Variants in ARHGEF10L observed in about 807,000 individuals in gnomAD.
The protein encoded by ARHGEF10L is Rho guanine nucleotide exchange factor 10 like.
ARHGEF10L carries 69 observed loss-of-function variants against 141.2 expected under a neutral mutation model. The observed-to-expected ratio is 0.49, with a 90% CI of 0.40 to 0.60. The LOEUF (loss-of-function observed/expected upper bound fraction) is 0.60. ARHGEF10L is among the 20% of genes least tolerant of loss of function. ARHGEF10L has a pLI of 0.00. For missense variants in ARHGEF10L, 1,482 were observed against 1,734.3 expected (o/e 0.85, Z 2.58); for synonymous variants, 711 against 718.5 (o/e 0.99, Z 0.17).
chr1:17,663,227 G>A (rs1449956858), intron 25 of ARHGEF10L, among the ~76,000 whole-genome samples: 2 of 152,208 alleles, frequency 1.3e-5, no homozygotes, highest in Non-Finnish European at 2.9e-5. Context: ...TGGTTTTCAG[G>A]GATGGCCGAC....
At chr1:17,538,387 A>G (rs531265881), upstream of ARHGEF10L, among the ~76,000 whole-genome samples, 1 of 152,342 alleles carries the variant, frequency 6.6e-6, no homozygotes, top group South Asian at 2.1e-4. Context: ...GAACAGAGCA[A>G]AAATGCTCAA....
At chr1:17,694,929 C>T (rs755878852) in intron 27 of ARHGEF10L, 8 of 694,976 alleles carry the variant, frequency 1.2e-5, no homozygotes, top group South Asian at 1.5e-5. Flanking sequence ...CCCCACTTTA[C>T]ACAGGCGGAA....
chr1:17,619,812 C>T lies in ARHGEF10L; in HGVS notation c.942+367C>T, dbSNP rs1183529978. 6.6e-6 allele frequency among the ~76,000 whole-genome samples: 1 copy of T among 152,098 alleles called. No homozygotes were observed. The highest frequency in any genetic ancestry group is 2.4e-5 in the African/African-American group (1 of 41,442). Reference sequence around the variant, plus strand: ...GTGAGGCTGCAGGTGTGTAGGTGCCCAGTCCCTGCCATCTGTCCACCTGTC... The same window carrying T: ...GTGAGGCTGCAGGTGTGTAGGTGCCTAGTCCCTGCCATCTGTCCACCTGTC... On this transcript the variant is annotated intron_variant, in intron 10 of 28. Coordinates refer to ENST00000361221, the MANE Select transcript of ARHGEF10L (RefSeq NM_018125.4). This position sits in a 1 kb window ranked among gnomAD's most constrained non-coding sequence, Gnocchi z 5.0.
At position 17,624,531 on chromosome 1, in the gene ARHGEF10L, G is replaced by A. The variant is rs752460330; in HGVS notation, c.1317+28G>A. The A allele has an allele frequency of 3.8e-6, 6 of 1,573,836 alleles. No individual in the cohort carries two copies. The South Asian group carries it at 4.4e-5, about 12-fold the overall frequency. ...GGGCCTCCATGGTGGTACCGTGCCTGGTCAGGGTGGGCAGGGAGATTGCTC... is the reference window on the plus strand; with the variant it reads ...GGGCCTCCATGGTGGTACCGTGCCTAGTCAGGGTGGGCAGGGAGATTGCTC... On this transcript the variant is annotated intron_variant, in intron 13 of 28. Coordinates refer to ENST00000361221, the MANE Select transcript of ARHGEF10L (RefSeq NM_018125.4).
chr1:17,657,479 C>T (rs2062341910), intron 25 of ARHGEF10L, among the ~76,000 whole-genome samples: 1 of 152,144 alleles, frequency 6.6e-6, no homozygotes, highest in Admixed American at 6.5e-5. Context: ...AGCCCCCAGT[C>T]CCCTGGAAGG....
At chr1:17,572,120 G>A (rs542824762) in intron 1 of ARHGEF10L, among the ~76,000 whole-genome samples, 8 of 152,224 alleles carry the variant, frequency 5.3e-5, no homozygotes, top group Non-Finnish European at 1.2e-4. Flanking sequence ...AGATCCAGCT[G>A]TGCGCAACCA....
intron 4 of ARHGEF10L, among the ~76,000 whole-genome samples, chr1:17,599,292 TG>T (rs1557784307): frequency 6.7e-6 from 1 of 148,836 alleles, no homozygotes. Context: ...GCTGAGATCG[TG>T]CTGCTGCACT....
chr1:17,541,806 A>G (rs61764868), intron 1 of ARHGEF10L, among the ~76,000 whole-genome samples: 12,213 of 151,972 alleles, frequency 0.08, 561 homozygotes, highest in African/African-American at 0.11. Context: ...CATCTCTACT[A>G]AAAATATAAA....
At chr1:17,651,200 C>G (rs2061909868) in intron 22 of ARHGEF10L, among the ~76,000 whole-genome samples, 1 of 152,108 alleles carries the variant, frequency 6.6e-6, no homozygotes, top group African/African-American at 2.4e-5. Flanking sequence ...ATTTTGTACC[C>G]AAGCTAGGTG....
intron 1 of ARHGEF10L, among the ~76,000 whole-genome samples, chr1:17,547,923 A>T (rs1363508892): frequency 6.6e-6 from 1 of 152,180 alleles, no homozygotes; most frequent in African/African-American, 2.4e-5. Context: ...TTCTGGGAGT[A>T]GACGCTGGGA....
chr1:17,688,920 T>C (rs2064841369), intron 27 of ARHGEF10L, among the ~76,000 whole-genome samples: 1 of 152,058 alleles, frequency 6.6e-6, no homozygotes, highest in Admixed American at 6.5e-5. Context: ...GGGATGGTGG[T>C]TACTAACAAC....
Position 17,627,467 on chromosome 1 carries a change from G to C in ARHGEF10L, c.1548G>C (p.Leu516=). 2.5e-6 allele frequency: 4 copies of C among 1,612,882 alleles called. No individual in the cohort carries two copies. Among genetic ancestry groups the C allele is most frequent in the Non-Finnish European group, 3.4e-6 (4 of 1,180,012 alleles). ...ACCAGGTGGCTGAGATCCAGCAGCT[G>C]ACCAAGAGCGTCAGTGACCGCAGCA... is the stretch of plus-strand genomic sequence containing the variant. ...LADQVAEIQQ[L]TKSVSDRSSL... Residue 516 remains leucine (L), a synonymous_variant, in exon 15 of 29, where the codon CTG becomes CTC. Coordinates refer to ENST00000361221, the MANE Select transcript of ARHGEF10L (RefSeq NM_018125.4). This position sits in a 1 kb window ranked among gnomAD's most constrained non-coding sequence, Gnocchi z 4.0.
At chr1:17,672,080 C>G (rs1347186381) in intron 26 of ARHGEF10L, among the ~76,000 whole-genome samples, 1 of 152,156 alleles carries the variant, frequency 6.6e-6, no homozygotes, top group Non-Finnish European at 1.5e-5. Flanking sequence ...CTGCCGGTAC[C>G]TCTGCACTGG....
Position 17,639,650 on chromosome 1 carries a change from T to C in ARHGEF10L, c.2172-552T>C, listed in dbSNP as rs2061220996. The C allele has an allele frequency of 2.6e-6, 1 of 389,312 alleles. No individual in the cohort carries two copies. The highest frequency in any genetic ancestry group is 5.1e-6 in the Non-Finnish European group (1 of 197,018). 24.1% of individuals were successfully genotyped at this position (389,312 alleles called of 1,614,324 possible). A position where few individuals can be genotyped will look rare whatever the true frequency, so the allele number is the denominator to read the frequency against. On this transcript the variant is annotated intron_variant, in intron 20 of 28. Transcript: ENST00000361221. This position sits in a 1 kb window ranked among gnomAD's most constrained non-coding sequence, Gnocchi z 4.3. Reference sequence around the variant, plus strand: ...CCCAAAGGGCTGGGAAGGCCCCCACTGCTCTGAGGTGAGAGGACAGCGTGG... The same window carrying C: ...CCCAAAGGGCTGGGAAGGCCCCCACCGCTCTGAGGTGAGAGGACAGCGTGG...
At chr1:17,592,877 C>T (rs1175827550) in intron 4 of ARHGEF10L, among the ~76,000 whole-genome samples, 1 of 152,154 alleles carries the variant, frequency 6.6e-6, no homozygotes, top group Non-Finnish European at 1.5e-5. Context: ...ATGGAGTCCC[C>T]CATGGGAGGG....
At chr1:17,668,140 G>A (rs1047786941) in intron 26 of ARHGEF10L, among the ~76,000 whole-genome samples, 2 of 152,202 alleles carry the variant, frequency 1.3e-5, no homozygotes, top group African/African-American at 2.4e-5. Flanking sequence ...GGCACGTGGC[G>A]AGGGCAGGGT....
At chr1:17,667,967 G>A (rs1459244848) in intron 26 of ARHGEF10L, among the ~76,000 whole-genome samples, 3 of 152,200 alleles carry the variant, frequency 2.0e-5, no homozygotes, top group Non-Finnish European at 4.4e-5. Flanking sequence ...AGACGGGACC[G>A]TAGCTGTGCC....
In ARHGEF10L at chr1:17,543,902, C is replaced by T. The variant is rs563897810; in HGVS notation, c.-44+3952C>T. Among the ~76,000 whole-genome samples, 360 of 151,910 alleles carry T rather than the reference C, an allele frequency of 2.4e-3. 1 individual carries two copies. Among genetic ancestry groups the T allele is most frequent in the African/African-American group, 8.4e-3 (347 of 41,404 alleles). ...ACCTCAGGTGATCCACCTGCCTCAG[C>T]CTCCCAAAGTGCTGGGATTACAGGC... On this transcript the variant is annotated intron_variant, in intron 1 of 28. Coordinates refer to ENST00000361221, the MANE Select transcript of ARHGEF10L (RefSeq NM_018125.4).
At chr1:17,695,876 C>T (rs991641488) in intron 28 of ARHGEF10L, among the ~76,000 whole-genome samples, 13 of 151,986 alleles carry the variant, frequency 8.6e-5, no homozygotes, top group Admixed American at 5.2e-4. Context: ...TGGCTCCCTG[C>T]GCAGACCTCA....
Sources: gnomAD v4.1 joint callset for allele counts (sites outside exome capture counted in the v4.1 genomes callset) on GRCh38, gnomAD v4.1.1 for gene constraint, Gnocchi (gnomAD v3.1) non-coding constraint, MANE v1.5 for transcripts, NCBI Gene and HGNC (gene_info 2026-07-23, HGNC 2026-07-21) for gene names.